The following OPCML variants were observed in gnomAD, a reference collection of about 807,000 sequenced individuals.
OPCML encodes opioid-binding protein/cell adhesion molecule.
Under a neutral mutation model 37.8 loss-of-function variants are expected in OPCML, and 13 were observed. That is an observed-to-expected ratio of 0.34 (90% CI 0.22 to 0.55). The LOEUF (loss-of-function observed/expected upper bound fraction) is 0.55. Among genes scored for constraint, OPCML ranks in the 20% least tolerant of loss-of-function variants. The pLI is 0.91. For missense variants in OPCML, 341 were observed against 435.6 expected (o/e 0.78, Z 1.93); for synonymous variants, 176 against 168.8 (o/e 1.04, Z -0.33).
At chr11:132,544,981 T>C (rs565670458) in intron 3 of OPCML, among the ~76,000 whole-genome samples, 1 of 152,360 alleles carries the variant, frequency 6.6e-6, no homozygotes, top group Non-Finnish European at 1.5e-5. Context: ...GCCCATGGCA[T>C]ACTCATCATA....
intron 1 of OPCML, among the ~76,000 whole-genome samples, chr11:133,193,835 A>G (rs1938422743): frequency 6.6e-6 from 1 of 152,224 alleles, no homozygotes; most frequent in Non-Finnish European, 1.5e-5. Context: ...GCATTGATTT[A>G]TGATTCAAAG....
chr11:133,210,011 T>G (rs536719613), intron 1 of OPCML, among the ~76,000 whole-genome samples: 1 of 152,222 alleles, frequency 6.6e-6, no homozygotes, highest in South Asian at 2.1e-4. Flanking sequence ...GCCTTCCAAT[T>G]TAATTTAAGT....
chr11:133,305,238 A>T (rs2136576373), intron 1 of OPCML, among the ~76,000 whole-genome samples: 1 of 152,328 alleles, frequency 6.6e-6, no homozygotes, highest in Non-Finnish European at 1.5e-5. Context: ...GGATGTAATG[A>T]ACACTTATTA....
intron 1 of OPCML, among the ~76,000 whole-genome samples, chr11:133,435,352 T>C (rs1355606985): frequency 6.6e-6 from 1 of 152,160 alleles, no homozygotes; most frequent in Non-Finnish European, 1.5e-5. Flanking sequence ...GCTTTTCCCA[T>C]AGTAGGCCCA....
chr11:132,506,897 C>T (rs558698085), intron 4 of OPCML, among the ~76,000 whole-genome samples: 1 of 151,486 alleles, frequency 6.6e-6, no homozygotes, highest in South Asian at 2.1e-4. Flanking sequence ...GGTTAAACTC[C>T]CCATTATAAT....
chr11:132,477,407 A>T (rs1223880917), intron 4 of OPCML, among the ~76,000 whole-genome samples: 3 of 152,172 alleles, frequency 2.0e-5, no homozygotes, highest in Non-Finnish European at 2.9e-5. Flanking sequence ...CACACTGGGG[A>T]TGAGGACTTC....
chr11:132,786,248 T>C (rs1186174795), intron 2 of OPCML, among the ~76,000 whole-genome samples: 1 of 152,240 alleles, frequency 6.6e-6, no homozygotes, highest in African/African-American at 2.4e-5. Context: ...TCATTAACTT[T>C]AGCTGTAACT....
intron 2 of OPCML, among the ~76,000 whole-genome samples, chr11:132,692,271 G>A (rs1399754986): frequency 1.3e-5 from 2 of 152,224 alleles, no homozygotes; most frequent in South Asian, 2.1e-4. Flanking sequence ...CAAAGAAAGT[G>A]GGAGAAGGTT....
chr11:133,390,430 T>C (rs1273756560), intron 1 of OPCML, among the ~76,000 whole-genome samples: 4 of 151,980 alleles, frequency 2.6e-5, no homozygotes, highest in Admixed American at 1.3e-4. Flanking sequence ...GCCACTGCAC[T>C]CCAGCCCGGG....
chr11:133,296,263 C>T (rs916923870), intron 1 of OPCML, among the ~76,000 whole-genome samples: 2 of 152,152 alleles, frequency 1.3e-5, no homozygotes, highest in African/African-American at 4.8e-5. Context: ...TAGTAATACT[C>T]AAAATACACT....
At chr11:133,516,956 T>A (rs564406042) in intron 1 of OPCML, among the ~76,000 whole-genome samples, 1 of 152,346 alleles carries the variant, frequency 6.6e-6, no homozygotes, top group South Asian at 2.1e-4. Context: ...GGGTCTTCCG[T>A]AGCAACGGCA....
intron 1 of OPCML, among the ~76,000 whole-genome samples, chr11:133,415,594 G>A (rs1178876668): frequency 6.6e-6 from 1 of 152,158 alleles, no homozygotes; most frequent in African/African-American, 2.4e-5. Context: ...ATGATCAGCA[G>A]AACAATGGCC....
rs757882203 is a variant in OPCML at position 132,420,185 on chromosome 11, A to T, written c.*8T>A. On this transcript the variant is annotated 3_prime_UTR_variant, in exon 8 of 8. Coordinates refer to ENST00000524381, the MANE Select transcript of OPCML (RefSeq NM_001012393.5). Reference sequence around the variant, plus strand: ...GCAGGCGTTGCTCAGAGGACCTAGGATTTCTTATCAAAACTTGATGAAGAA... The same window carrying T: ...GCAGGCGTTGCTCAGAGGACCTAGGTTTTCTTATCAAAACTTGATGAAGAA... 1 of 1,613,550 alleles carries T rather than the reference A, an allele frequency of 6.2e-7. No individual in the cohort carries two copies. Among genetic ancestry groups the T allele is most frequent in the Non-Finnish European group, 8.5e-7 (1 of 1,179,640 alleles).
intron 1 of OPCML, among the ~76,000 whole-genome samples, chr11:133,126,139 G>A (rs557991985): frequency 6.6e-6 from 1 of 151,624 alleles, no homozygotes; most frequent in East Asian, 1.9e-4. Flanking sequence ...TCACATAGAG[G>A]TTGAAAAGTG....
intron 3 of OPCML, among the ~76,000 whole-genome samples, chr11:132,616,238 C>T (rs892729641): frequency 1.3e-5 from 2 of 152,192 alleles, no homozygotes; most frequent in African/African-American, 4.8e-5. Flanking sequence ...AAAGGAAGCT[C>T]ACCTACTTGT....
At chr11:133,247,779 T>A (rs1180403200) in intron 1 of OPCML, among the ~76,000 whole-genome samples, 4 of 151,958 alleles carry the variant, frequency 2.6e-5, no homozygotes, top group African/African-American at 9.7e-5. Flanking sequence ...ATTTTTGTAT[T>A]TTTAGTAGAG....
chr11:133,256,067 A>AT (rs1941303025), intron 1 of OPCML, among the ~76,000 whole-genome samples: 1 of 152,160 alleles, frequency 6.6e-6, no homozygotes, highest in Non-Finnish European at 1.5e-5. Context: ...TTTATCACAA[A>AT]TTTGTACTCT....
intron 3 of OPCML, among the ~76,000 whole-genome samples, chr11:132,534,619 G>T (rs113029796): frequency 8.5e-5 from 13 of 152,322 alleles, no homozygotes; most frequent in African/African-American, 3.1e-4. Flanking sequence ...ATATGATGTG[G>T]TGGAAACGGA....
chr11:132,648,624 C>T (rs528735034), intron 3 of OPCML, among the ~76,000 whole-genome samples: 1 of 151,730 alleles, frequency 6.6e-6, no homozygotes, highest in African/African-American at 2.4e-5. Flanking sequence ...GCTTCAGCCT[C>T]CTGAGTAGCT....
Sources: allele counts gnomAD v4.1 joint callset (sites outside exome capture counted in the v4.1 genomes callset), GRCh38; gene constraint gnomAD v4.1.1; transcripts MANE v1.5; gene names NCBI Gene and HGNC (gene_info 2026-07-23, HGNC 2026-07-21).